Variants in TGFBR3 observed in about 807,000 individuals in gnomAD.
TGFBR3 encodes transforming growth factor beta receptor type 3.
TGFBR3 carries 46 observed loss-of-function variants against 87.9 expected under a neutral mutation model. The observed-to-expected ratio is 0.52, with a 90% confidence interval of 0.41 to 0.67. The LOEUF (loss-of-function observed/expected upper bound fraction) is 0.67, where lower values mean the gene tolerates loss of function less well. Among genes scored for constraint, TGFBR3 ranks in the 30% least tolerant of loss-of-function variants. TGFBR3 has a pLI of 0.00. For missense variants in TGFBR3, 866 were observed against 1,041.9 expected, an observed-to-expected ratio of 0.83 and a Z score of 2.32; for synonymous variants, 381 against 391.6, an observed-to-expected ratio of 0.97 and a Z score of 0.32.
intron 3 of TGFBR3, among the ~76,000 whole-genome samples, chr1:91,785,961 G>T (rs1288251268): frequency 2.0e-5 from 3 of 151,906 alleles, no homozygotes; most frequent in South Asian, 2.1e-4. Flanking sequence ...ACAGGGTTTT[G>T]CCATATTGCC....
At chr1:91,850,977 A>C (rs1173901741) in intron 2 of TGFBR3, among the ~76,000 whole-genome samples, 1 of 152,164 alleles carries the variant, frequency 6.6e-6, no homozygotes, top group Non-Finnish European at 1.5e-5. Context: ...ATATGAGGAC[A>C]AAAGGAAGCA....
intron 16 of TGFBR3, among the ~76,000 whole-genome samples, chr1:91,690,426 C>T (rs1324613076): frequency 4.6e-5 from 7 of 151,990 alleles, no homozygotes; most frequent in African/African-American, 1.2e-4. Context: ...TATATTAATA[C>T]GTATTTTGGC....
intron 3 of TGFBR3, among the ~76,000 whole-genome samples, chr1:91,780,989 T>C (rs1045564565): frequency 2.0e-5 from 3 of 151,896 alleles, no homozygotes; most frequent in Non-Finnish European, 4.4e-5. Context: ...GATGGCTATG[T>C]GAACTGATGA....
In TGFBR3 at chr1:91,834,204, G is replaced by A. The variant is rs139061251; in HGVS notation, c.61+27267C>T. Among the ~76,000 whole-genome samples the A allele has an allele frequency of 4.2e-4, 64 of 152,310 alleles. No individual in the cohort carries two copies. In the East Asian group the frequency reaches 7.7e-3, roughly 18 times the overall value. On this transcript the variant is annotated intron_variant, in intron 2 of 16. Coordinates refer to ENST00000212355, the MANE Select transcript of TGFBR3 (RefSeq NM_003243.5). Reference sequence around the variant, plus strand: ...CACATCATGCTGGCTGCAGTTTGAAGCTACTATCCAGCTGGGCTGATTTTA... The same window carrying A: ...CACATCATGCTGGCTGCAGTTTGAAACTACTATCCAGCTGGGCTGATTTTA...
intron 7 of TGFBR3, among the ~76,000 whole-genome samples, chr1:91,723,571 A>G (rs1672448141): frequency 6.6e-6 from 1 of 151,722 alleles, no homozygotes; most frequent in African/African-American, 2.4e-5. Flanking sequence ...TTGGGAAAGG[A>G]TATAAATGGA....
chr1:91,749,590 C>G (rs904183259), intron 4 of TGFBR3, among the ~76,000 whole-genome samples: 1 of 152,138 alleles, frequency 6.6e-6, no homozygotes, highest in Non-Finnish European at 1.5e-5. Context: ...GTGCAAGAAC[C>G]AATTTGCCTC....
intron 14 of TGFBR3, among the ~76,000 whole-genome samples, chr1:91,702,315 C>A (rs1671648394): frequency 6.6e-6 from 1 of 152,160 alleles, no homozygotes; most frequent in Non-Finnish European, 1.5e-5. Context: ...CTTTCCCCAG[C>A]AATGCAACCT....
At chr1:91,710,936 T>C (rs558095598) in intron 13 of TGFBR3, among the ~76,000 whole-genome samples, 20 of 152,302 alleles carry the variant, frequency 1.3e-4, no homozygotes, top group Admixed American at 1.0e-3. Flanking sequence ...TTACGATTAA[T>C]TTTCCCAGAT....
chr1:91,875,307 T>A (rs1678739481), intron 1 of TGFBR3, among the ~76,000 whole-genome samples: 1 of 151,508 alleles, frequency 6.6e-6, no homozygotes, highest in Non-Finnish European at 1.5e-5. Context: ...AGGAGGGACA[T>A]GGGAAATACA....
At chr1:91,697,715 T>C (rs929692890) in intron 15 of TGFBR3, among the ~76,000 whole-genome samples, 2 of 152,214 alleles carry the variant, frequency 1.3e-5, no homozygotes, top group Admixed American at 6.5e-5. Context: ...ATAAATATTG[T>C]TGATAAGACT....
intron 14 of TGFBR3, among the ~76,000 whole-genome samples, chr1:91,700,555 T>C (rs976032721): frequency 5.6e-4 from 85 of 152,154 alleles, no homozygotes; most frequent in South Asian, 2.1e-4. Flanking sequence ...CCCCCTGGAG[T>C]TGTGCAACAT....
At chr1:91,718,195 A>G (rs533334489) in intron 10 of TGFBR3, among the ~76,000 whole-genome samples, 1 of 152,330 alleles carries the variant, frequency 6.6e-6, no homozygotes, top group East Asian at 1.9e-4. Context: ...GAGTTTAAAA[A>G]AGCAAGTCTT....
At chr1:91,813,979 G>A (rs957019059) in intron 2 of TGFBR3, among the ~76,000 whole-genome samples, 4 of 152,158 alleles carry the variant, frequency 2.6e-5, no homozygotes, top group South Asian at 2.1e-4. Flanking sequence ...GATCTCACAC[G>A]AGGTGGAGCT....
intron 2 of TGFBR3, among the ~76,000 whole-genome samples, chr1:91,817,373 A>C (rs1676271403): frequency 6.6e-6 from 1 of 152,234 alleles, no homozygotes; most frequent in Admixed American, 6.5e-5. Context: ...TCTTCACACC[A>C]AGATCAGTTG....
intron 4 of TGFBR3, among the ~76,000 whole-genome samples, chr1:91,747,813 A>G (rs1423472469): frequency 6.6e-6 from 1 of 152,234 alleles, no homozygotes; most frequent in Non-Finnish European, 1.5e-5. Flanking sequence ...GGCTTCCCTG[A>G]GGAAGAAAAA....
intron 5 of TGFBR3, among the ~76,000 whole-genome samples, chr1:91,731,556 G>A (rs930859401): frequency 7.2e-5 from 11 of 152,190 alleles, no homozygotes; most frequent in African/African-American, 1.2e-4. Context: ...TATGCACACC[G>A]TGCAGCTGCA....
chr1:91,785,135 T>C (rs1482913137), intron 3 of TGFBR3, among the ~76,000 whole-genome samples: 1 of 152,166 alleles, frequency 6.6e-6, no homozygotes. Context: ...CAATGAAAAC[T>C]ACCCAGGAAT....
chr1:91,693,760 C>A (rs2100710169), intron 16 of TGFBR3, among the ~76,000 whole-genome samples: 1 of 152,316 alleles, frequency 6.6e-6, no homozygotes, highest in African/African-American at 2.4e-5. Flanking sequence ...AACTCACTCC[C>A]AACAGCCAAC....
intron 3 of TGFBR3, among the ~76,000 whole-genome samples, chr1:91,775,404 A>G (rs1674531863): frequency 6.6e-6 from 1 of 152,198 alleles, no homozygotes; most frequent in South Asian, 2.1e-4. Context: ...AGCTGCTTCC[A>G]AGCTGAGGGC....
Sources: allele counts gnomAD v4.1 joint callset (sites outside exome capture counted in the v4.1 genomes callset), GRCh38; gene constraint gnomAD v4.1.1; transcripts MANE v1.5; gene names NCBI Gene and HGNC (gene_info 2026-07-23, HGNC 2026-07-21).